Variants in NRG1 observed in about 807,000 individuals in gnomAD.
NRG1 encodes pro-neuregulin-1, membrane-bound isoform.
Under a neutral mutation model 63.8 loss-of-function variants are expected in NRG1, and 18 were observed. The observed-to-expected ratio is 0.28, with a 90% CI of 0.19 to 0.42. The LOEUF is 0.42. NRG1 is among the 10% of genes least tolerant of loss of function. The pLI is 1.00. For synonymous variants in NRG1, 302 were observed against 301.3 expected (o/e 1.00, Z -0.02); for missense variants, 762 against 814.7 (o/e 0.94, Z 0.79).
At chr8:32,500,112 A>G (rs1443007672) in intron 1 of NRG1, among the ~76,000 whole-genome samples, 2 of 152,210 alleles carry the variant, frequency 1.3e-5, no homozygotes. Flanking sequence ...CTGGCAACTG[A>G]GTCTAGTCTC....
At chr8:32,013,278 A>T (rs1200183248) in intron 1 of NRG1, among the ~76,000 whole-genome samples, 1 of 152,020 alleles carries the variant, frequency 6.6e-6, no homozygotes, top group Non-Finnish European at 1.5e-5. Context: ...AGAAATTTTA[A>T]ATTAGTAAAA....
At chr8:32,678,592 T>C (rs745535602) in intron 5 of NRG1, among the ~76,000 whole-genome samples, 3 of 152,194 alleles carry the variant, frequency 2.0e-5, no homozygotes, top group Non-Finnish European at 4.4e-5. Context: ...GCACTCTCAT[T>C]ATATACAAGG....
chr8:31,725,392 T>A (rs1813328741), intron 1 of NRG1, among the ~76,000 whole-genome samples: 1 of 152,210 alleles, frequency 6.6e-6, no homozygotes, highest in South Asian at 2.1e-4. Context: ...TGCTGGGAGT[T>A]GGGCAGAATA....
At chr8:32,755,067 G>A (rs1001561362) in intron 8 of NRG1, among the ~76,000 whole-genome samples, 1 of 152,158 alleles carries the variant, frequency 6.6e-6, no homozygotes, top group African/African-American at 2.4e-5. Context: ...TAGGTTGCCA[G>A]TATGAATGCT....
intron 1 of NRG1, among the ~76,000 whole-genome samples, chr8:32,374,444 C>T (rs530525541): frequency 2.0e-5 from 3 of 152,270 alleles, no homozygotes; most frequent in South Asian, 4.2e-4. Context: ...CTGGTAGTAT[C>T]GGAGGCATCA....
chr8:32,325,442 C>T (rs1247309268), intron 1 of NRG1, among the ~76,000 whole-genome samples: 1 of 152,188 alleles, frequency 6.6e-6, no homozygotes, highest in Non-Finnish European at 1.5e-5. Flanking sequence ...AGTGCAGTGG[C>T]ACAAACGTGG....
intron 1 of NRG1, among the ~76,000 whole-genome samples, chr8:32,439,496 A>C (rs1019794076): frequency 6.6e-6 from 1 of 152,178 alleles, no homozygotes; most frequent in South Asian, 2.1e-4. Flanking sequence ...AAAATAAAAT[A>C]ACTTGTATGT....
At chr8:32,484,405 CAG>C (rs1396066532) in intron 1 of NRG1, among the ~76,000 whole-genome samples, 5 of 152,144 alleles carry the variant, frequency 3.3e-5, no homozygotes, top group East Asian at 1.9e-4. Context: ...TCAACTTTGA[CAG>C]AGATTTCAAG....
intron 1 of NRG1, among the ~76,000 whole-genome samples, chr8:31,818,681 C>T (rs1823689439): frequency 6.6e-6 from 1 of 152,180 alleles, no homozygotes; most frequent in Non-Finnish European, 1.5e-5. Flanking sequence ...TGCTCACCTC[C>T]TGCTGTGTGG....
At chr8:32,646,830 G>A in intron 5 of NRG1, 2 of 985,060 alleles carry the variant, frequency 2.0e-6, no homozygotes, top group African/African-American at 3.5e-5. Context: ...TGTGGCTGGG[G>A]ATACTGATTT....
chr8:32,560,473 G>T (rs2053654388), intron 1 of NRG1, among the ~76,000 whole-genome samples: 1 of 152,114 alleles, frequency 6.6e-6, no homozygotes, highest in South Asian at 2.1e-4. Flanking sequence ...TTGTTTTTAA[G>T]AATTTATTCA....
At chr8:31,968,461 T>C (rs75596188) in intron 1 of NRG1, among the ~76,000 whole-genome samples, 353 of 152,330 alleles carry the variant, frequency 2.3e-3, no homozygotes, top group African/African-American at 8.3e-3. Context: ...TTGTGTTTGA[T>C]TTATTACATA....
At chr8:32,585,369 G>GGGCATGTTCTTAGT (rs1841410858) in intron 1 of NRG1, among the ~76,000 whole-genome samples, 1 of 152,178 alleles carries the variant, frequency 6.6e-6, no homozygotes, top group Non-Finnish European at 1.5e-5. Flanking sequence ...CCGAGAGTGA[G>GGGCATGTTCTTAGT]ATGTTCTTAT....
intron 5 of NRG1, among the ~76,000 whole-genome samples, chr8:32,707,997 AT>A (rs1816859773): frequency 6.6e-6 from 1 of 152,098 alleles, no homozygotes; most frequent in South Asian, 2.1e-4. Flanking sequence ...ATATTCCTTT[AT>A]TATCATAAAT....
At chr8:31,687,968 A>C (rs926663001) in intron 1 of NRG1, among the ~76,000 whole-genome samples, 1 of 152,234 alleles carries the variant, frequency 6.6e-6, no homozygotes, top group Non-Finnish European at 1.5e-5. Context: ...CACTCCCTAC[A>C]TCTGGGCCAA....
chr8:31,863,661 T>C (rs1454703320), intron 1 of NRG1, among the ~76,000 whole-genome samples: 1 of 152,228 alleles, frequency 6.6e-6, no homozygotes, highest in Non-Finnish European at 1.5e-5. Context: ...AAATAAATTT[T>C]CTTTTACCAT....
At position 32,156,251 on chromosome 8, in the gene NRG1, G is replaced by T. The variant is rs148388507; in HGVS notation, c.38-439577G>T. On this transcript the variant is annotated intron_variant, in intron 1 of 10. Coordinates refer to the NRG1 transcript ENST00000519301. ...CTCCTCCATGATTTACCTAGTTGCTGCTTATTCTTCTGGTTTTGTACTGAT... is the reference window on the plus strand; with the variant it reads ...CTCCTCCATGATTTACCTAGTTGCTTCTTATTCTTCTGGTTTTGTACTGAT... Among the ~76,000 whole-genome samples, 392 of 152,228 alleles carry T rather than the reference G, an allele frequency of 2.6e-3. 2 individuals are homozygous for T. The highest frequency in any genetic ancestry group is 9.0e-3 in the African/African-American group (375 of 41,526).
intron 1 of NRG1, among the ~76,000 whole-genome samples, chr8:31,805,653 G>A (rs1822195142): frequency 2.0e-5 from 3 of 151,550 alleles, no homozygotes; most frequent in Admixed American, 6.6e-5. Context: ...ACGGTGAAAC[G>A]CCGTGTCTAC....
At chr8:32,749,952 C>A in intron 7 of NRG1, 1 of 219,608 alleles carries the variant, frequency 4.6e-6, no homozygotes, top group Admixed American at 5.1e-5. Flanking sequence ...CACTCAGAGA[C>A]CTGAGAACAA....
Sources: allele counts gnomAD v4.1 joint callset (sites outside exome capture counted in the v4.1 genomes callset), GRCh38; gene constraint gnomAD v4.1.1; transcripts MANE v1.5; gene names NCBI Gene and HGNC (gene_info 2026-07-23, HGNC 2026-07-21).